Variants in SAMD7 observed in about 807,000 individuals in gnomAD.
SAMD7 encodes sterile alpha motif domain containing 7, also known as sterile alpha motif domain-containing protein 7.
Under a neutral mutation model 36.7 loss-of-function variants are expected in SAMD7, and 34 were observed. The observed-to-expected ratio is 0.93, with a 90% CI of 0.71 to 1.23. SAMD7 has a LOEUF of 1.23. Among genes scored for constraint, SAMD7 ranks in the 50% most tolerant of loss-of-function variants. The pLI is 0.00. For missense variants in SAMD7, 570 were observed against 546.6 expected (o/e 1.04, Z -0.43); for synonymous variants, 188 against 189.7 (o/e 0.99, Z 0.07).
intron 4 of SAMD7, among the ~76,000 whole-genome samples, chr3:169,923,553 T>G (rs1713136827): frequency 6.6e-6 from 1 of 152,004 alleles, no homozygotes; most frequent in South Asian, 2.1e-4. Flanking sequence ...ACCATCCTGG[T>G]CAACATGGTG....
At chr3:169,927,610 T>C (rs2108262517) in intron 6 of SAMD7, among the ~76,000 whole-genome samples, 1 of 152,264 alleles carries the variant, frequency 6.6e-6, no homozygotes, top group South Asian at 2.1e-4. Flanking sequence ...TTTCTTTTTC[T>C]TAATCCTGCT....
At chr3:169,936,079 G>A (rs1713704041) in intron 7 of SAMD7, among the ~76,000 whole-genome samples, 1 of 152,104 alleles carries the variant, frequency 6.6e-6, no homozygotes, top group Admixed American at 6.5e-5. Context: ...CACTGACCTG[G>A]CCCTCAAATA....
intron 4 of SAMD7, among the ~76,000 whole-genome samples, chr3:169,922,718 T>C (rs1270848222): frequency 1.3e-5 from 2 of 152,228 alleles, no homozygotes; most frequent in Non-Finnish European, 2.9e-5. Flanking sequence ...CATGCTGGTC[T>C]GGAACTCCTG....
rs570264079 is a variant in SAMD7 at position 169,939,117 on chromosome 3, T to G, written c.*611T>G. ...GCGGGCGGATCATGAGGTCAGGAGA[T>G]TAAGACCAGCTTGGCCAACATGGTG... On this transcript the variant is annotated 3_prime_UTR_variant, in exon 9 of 9. Transcript: ENST00000335556. The G allele has an allele frequency of 6.6e-6, 1 of 152,048 alleles. No homozygotes were observed. The highest frequency in any genetic ancestry group is 2.4e-5 in the African/African-American group (1 of 41,430). 9.4% of individuals were successfully genotyped at this position (152,048 alleles called of 1,614,324 possible).
intron 7 of SAMD7, among the ~76,000 whole-genome samples, chr3:169,935,697 C>T (rs1382172806): frequency 6.6e-6 from 1 of 152,156 alleles, no homozygotes; most frequent in East Asian, 1.9e-4. Flanking sequence ...AAATTACGGT[C>T]CTATCAATCT....
chr3:169,923,084 C>G (rs556986318), intron 4 of SAMD7, among the ~76,000 whole-genome samples: 1 of 152,280 alleles, frequency 6.6e-6, no homozygotes, highest in South Asian at 2.1e-4. Context: ...TTCTATCCCC[C>G]CCAAAACCAT....
rs1292007602 is a variant in SAMD7 at position 169,921,267 on chromosome 3, C to T, written c.140C>T (p.Pro47Leu). The T allele has an allele frequency of 5.0e-6, 8 of 1,613,918 alleles. No individual in the cohort carries two copies. The Admixed American group carries it at 1.3e-4, about 27-fold the overall frequency. Residue 47 changes from proline to leucine, a missense_variant, in exon 4 of 9, where the codon CCT becomes CTT. Coordinates refer to ENST00000335556, the MANE Select transcript of SAMD7 (RefSeq NM_001304366.2). The part of the protein sequence containing the change: ...APTDPRQFCV[P>L]SQFGSSVLPN... ...ACTGACCCAAGACAGTTTTGCGTTC[C>T]TTCCCAATTTGGATCCTCTGTTCTA...
chr3:169,918,241 C>A (rs115587275), intron 2 of SAMD7, among the ~76,000 whole-genome samples: 2 of 151,838 alleles, frequency 1.3e-5, no homozygotes, highest in African/African-American at 4.8e-5. Flanking sequence ...CCTGGCCCTA[C>A]GATTAGTTAT....
chr3:169,916,790 C>T (rs1397921981), intron 2 of SAMD7, among the ~76,000 whole-genome samples: 1 of 152,196 alleles, frequency 6.6e-6, no homozygotes, highest in Non-Finnish European at 1.5e-5. Context: ...AATGAAACAC[C>T]TAGTGGTGTC....
intron 1 of SAMD7, among the ~76,000 whole-genome samples, chr3:169,912,652 G>A (rs1028398166): frequency 2.6e-5 from 4 of 152,162 alleles, no homozygotes; most frequent in Non-Finnish European, 5.9e-5. Flanking sequence ...ACATGGATAG[G>A]TCTAATGAAA....
chr3:169,914,490 C>T (rs2108253459), intron 1 of SAMD7, among the ~76,000 whole-genome samples: 1 of 152,282 alleles, frequency 6.6e-6, no homozygotes, highest in Admixed American at 6.5e-5. Flanking sequence ...AATGACTCAT[C>T]GTCCTGCCCA....
At chr3:169,916,097 CCTT>C (rs1712787609) in intron 2 of SAMD7, among the ~76,000 whole-genome samples, 1 of 152,204 alleles carries the variant, frequency 6.6e-6, no homozygotes, top group East Asian at 1.9e-4. Flanking sequence ...ATGAAATTTA[CCTT>C]CTTAACACAT....
chr3:169,936,256 C>A, intron 7 of SAMD7, 83 bp from the exon 8 acceptor site: 1 of 892,564 alleles, frequency 1.1e-6, no homozygotes, highest in Non-Finnish European at 1.8e-6. Flanking sequence ...ATGTTTTCTC[C>A]AAAACTAAAA....
chr3:169,918,145 C>G (rs959007809), intron 2 of SAMD7, among the ~76,000 whole-genome samples: 2 of 151,142 alleles, frequency 1.3e-5, no homozygotes, highest in East Asian at 3.9e-4. Flanking sequence ...ACCATGTTGG[C>G]CAGGTTCGTC....
chr3:169,919,003 G>C (rs541450283), intron 2 of SAMD7, among the ~76,000 whole-genome samples: 1 of 152,174 alleles, frequency 6.6e-6, no homozygotes, highest in East Asian at 1.9e-4. Context: ...AAAATTAGCC[G>C]GGCGTGGTGG....
chr3:169,928,860 G>A (rs565438978), intron 7 of SAMD7, among the ~76,000 whole-genome samples: 1 of 152,208 alleles, frequency 6.6e-6, no homozygotes, highest in Admixed American at 6.5e-5. Context: ...TTAGAAGAAG[G>A]TTCAGAAGCT....
At chr3:169,924,946 T>G in intron 4 of SAMD7, 112 bp from the exon 5 acceptor site, 2 of 710,298 alleles carry the variant, frequency 2.8e-6, no homozygotes, top group Non-Finnish European at 4.6e-6. Context: ...CAATTGCTGG[T>G]TTGTTTTTTT....
Position 169,926,840 on chromosome 3 carries a change from C to T in SAMD7, c.578C>T (p.Ala193Val), listed in dbSNP as rs777693047. The change falls in exon 6 of 9, where the codon GCT becomes GTT. Residue 193 changes from alanine to valine, a missense_variant. Ala to Val is a moderately conservative substitution (Grantham distance 64). Transcript: ENST00000335556. ...AGGAAAAATACAGGGAATCAAAAAG[C>T]TCTAGACAGTGATGCTGAGAGTTCC... ...RLRKNTGNQK[A>V]LDSDAESSKS... The T allele has an allele frequency of 6.2e-7, 1 of 1,613,876 alleles. No homozygotes were observed. Among genetic ancestry groups the T allele is most frequent in the Non-Finnish European group, 8.5e-7 (1 of 1,179,970 alleles).
intron 7 of SAMD7, chr3:169,933,064 C>A: frequency 1.1e-6 from 1 of 897,874 alleles, no homozygotes; most frequent in Non-Finnish European, 1.9e-6. Flanking sequence ...CTGAAGTCTA[C>A]CTTAAAATCT....
Sources: gnomAD v4.1 joint callset for allele counts (sites outside exome capture counted in the v4.1 genomes callset) on GRCh38, gnomAD v4.1.1 for gene constraint, MANE v1.5 for transcripts, NCBI Gene and HGNC (gene_info 2026-07-23, HGNC 2026-07-21) for gene names.